The following NLRP2 variants were observed in gnomAD, a reference collection of about 807,000 sequenced individuals.
The protein encoded by NLRP2 is NACHT, LRR and PYD domains-containing protein 2.
NLRP2 carries 107 observed loss-of-function variants against 97.2 expected under a neutral mutation model. That is an observed-to-expected ratio of 1.10 (90% CI 0.94 to 1.29). The LOEUF is 1.29. Ranked by LOEUF, NLRP2 falls within the 50% of genes most tolerant of loss-of-function variation. The probability of loss-of-function intolerance (pLI) is 0.00; values close to 1 mark genes in which losing one functional copy is unlikely to be tolerated. For missense variants in NLRP2, 1,495 were observed against 1,330.3 expected (o/e 1.12, Z -1.93); for synonymous variants, 663 against 551.5 (o/e 1.20, Z -2.83).
intron 11 of NLRP2, among the ~76,000 whole-genome samples, chr19:54,995,187 C>CTTTTTTTTTTT (rs34168825): frequency 1.1e-5 from 1 of 87,226 alleles, no homozygotes; most frequent in African/African-American, 4.5e-5. Context: ...GTGGGTGCCT[C>CTTTTTTTTTTT]TTTTTTTTTT....
chr19:54,995,666 G>A (rs1025834428), intron 11 of NLRP2, among the ~76,000 whole-genome samples: 2 of 152,010 alleles, frequency 1.3e-5, no homozygotes, highest in African/African-American at 4.8e-5. Context: ...GTCTCAACTT[G>A]GCTATCTTAC....
intron 8 of NLRP2, chr19:54,989,638 A>C: frequency 2.9e-6 from 1 of 346,772 alleles, no homozygotes; most frequent in Non-Finnish European, 5.5e-6. Flanking sequence ...TCGGGGTATA[A>C]CACAACCAGT....
In NLRP2 at chr19:54,968,654, A is replaced by T. The variant is rs151127303; in HGVS notation, c.-17-1345A>T. Reference sequence around the variant, plus strand: ...CCAGCTTCAGTAAAGTAAAAGCCACACACCTGTGTCCTGAGACCAGGCTCC... The same window carrying T: ...CCAGCTTCAGTAAAGTAAAAGCCACTCACCTGTGTCCTGAGACCAGGCTCC... On this transcript the variant is annotated intron_variant, in intron 1 of 12. Coordinates refer to ENST00000448584, the MANE Select transcript of NLRP2 (RefSeq NM_017852.5). Among the ~76,000 whole-genome samples, 1,088 of 147,874 alleles carry T rather than the reference A, an allele frequency of 7.4e-3. 14 individuals carry two copies. The highest frequency in any genetic ancestry group is 0.022 in the South Asian group (104 of 4,704).
intron 1 of NLRP2, among the ~76,000 whole-genome samples, chr19:54,968,747 G>C (rs1260698771): frequency 1.5e-5 from 2 of 132,800 alleles, no homozygotes; most frequent in African/African-American, 5.9e-5. Context: ...CCAGGCTGGA[G>C]TGCAGTGGCG....
chr19:54,979,419 C>A (rs1011669021), intron 4 of NLRP2, among the ~76,000 whole-genome samples: 1 of 151,808 alleles, frequency 6.6e-6, no homozygotes, highest in African/African-American at 2.4e-5. Flanking sequence ...CTCGGCTCGC[C>A]ACAACCTCCA....
At chr19:54,993,455 G>A (rs1480120168) in intron 10 of NLRP2, 2 of 152,348 alleles carry the variant, frequency 1.3e-5, no homozygotes, top group Non-Finnish European at 2.9e-5. Context: ...ACAGAGCTAA[G>A]GTGAAATATC....
chr19:54,969,548 G>A (rs703464), intron 1 of NLRP2, among the ~76,000 whole-genome samples: 43,054 of 151,686 alleles, frequency 0.28, 6,278 homozygotes, highest in East Asian at 0.39. Context: ...CCAGCTAGTC[G>A]GGAGGCTGAG....
chr19:54,983,183 C>T lies in NLRP2; in HGVS notation c.1485C>T (p.Ser495=), dbSNP rs780415815. ...ACATCCTCCGCCAGGACAGAGTCTC[C>T]AAAGGCTGCTACTCCTTCATCCACC... ...DGDILRQDRV[S]KGCYSFIHLS... Residue 495 remains serine, a synonymous_variant, in exon 6 of 13, where the codon TCC becomes TCT. Transcript: ENST00000448584. 6.2e-7 allele frequency: 1 copy of T among 1,614,050 alleles called. No individual in the cohort carries two copies. Among genetic ancestry groups the T allele is most frequent in the South Asian group, 1.1e-5 (1 of 91,076 alleles).
intron 1 of NLRP2, among the ~76,000 whole-genome samples, chr19:54,968,404 A>C (rs532779162): frequency 6.6e-6 from 1 of 151,262 alleles, no homozygotes; most frequent in African/African-American, 2.4e-5. Flanking sequence ...AGCTCACTGC[A>C]GCCTTAACTT....
Position 54,977,758 on chromosome 19 carries a change from C to T in NLRP2, c.332C>T (p.Thr111Ile), listed in dbSNP as rs771976849. Residue 111 changes from threonine to isoleucine, a missense_variant, in exon 4 of 13, where the codon ACA becomes ATA. By Grantham distance (89) the Thr-to-Ile change is moderately conservative. Coordinates refer to ENST00000448584, the MANE Select transcript of NLRP2 (RefSeq NM_017852.5). ...NKRKPLSLGI[T>I]RKERPPLDVD... The stretch of plus-strand genomic sequence containing the variant: ...TGCCGCCCTTTTTCTCCAGGGATAA[C>T]ACGGAAAGAACGACCACCTCTAGAC... 6.2e-7 allele frequency: 1 copy of T among 1,613,720 alleles called. No homozygotes were observed. Among genetic ancestry groups the T allele is most frequent in the African/African-American group, 1.3e-5 (1 of 74,896 alleles).
chr19:54,987,292 G>T lies in NLRP2; in HGVS notation c.2366+977G>T, dbSNP rs532586946. Among the ~76,000 whole-genome samples the T allele has an allele frequency of 2.2e-3, 332 of 152,284 alleles. 2 individuals carry two copies. The highest frequency in any genetic ancestry group is 7.9e-3 in the African/African-American group (327 of 41,558). ...CCAGCTATTGACATTTTTCAAGCAA[G>T]AACCCTTCAGGAACATCAAGTTGCC... On this transcript the variant is annotated intron_variant, in intron 8 of 12. Coordinates refer to ENST00000448584, the MANE Select transcript of NLRP2 (RefSeq NM_017852.5).
At chr19:54,970,600 G>T (rs921623416) in intron 2 of NLRP2, among the ~76,000 whole-genome samples, 1 of 151,844 alleles carries the variant, frequency 6.6e-6, no homozygotes, top group African/African-American at 2.4e-5. Context: ...GGGTTGCTAT[G>T]AGCCGAGATC....
intron 2 of NLRP2, chr19:54,974,067 T>TA (rs1399079711): frequency 1.9e-6 from 2 of 1,046,250 alleles, no homozygotes; most frequent in Admixed American, 3.5e-5. Flanking sequence ...TATTAAAAGA[T>TA]ACAAGCAGCC....
chr19:54,988,352 C>G (rs1039131117), intron 8 of NLRP2, among the ~76,000 whole-genome samples: 1 of 151,974 alleles, frequency 6.6e-6, no homozygotes, highest in Non-Finnish European at 1.5e-5. Context: ...GAGTGCAGTG[C>G]CACAATCTTG....
chr19:54,986,900 T>G (rs1484994566), intron 8 of NLRP2, among the ~76,000 whole-genome samples: 1 of 151,958 alleles, frequency 6.6e-6, no homozygotes, highest in Non-Finnish European at 1.5e-5. Context: ...CTTTTTTCTT[T>G]TTGAGATGGA....
intron 8 of NLRP2, among the ~76,000 whole-genome samples, chr19:54,988,150 G>A (rs2146486555): frequency 6.6e-6 from 1 of 152,276 alleles, no homozygotes; most frequent in South Asian, 2.1e-4. Context: ...GTATTGGAAG[G>A]TTGAATGAAA....
Position 54,966,401 on chromosome 19 carries a change from G to C in NLRP2, c.-84G>C, listed in dbSNP as rs1004547909. 6.6e-6 allele frequency: 1 copy of C among 152,040 alleles called. No individual in the cohort carries two copies. The highest frequency in any genetic ancestry group is 1.5e-5 in the Non-Finnish European group (1 of 68,034). 9.4% of individuals were successfully genotyped at this position (152,040 alleles called of 1,614,324 possible). ...TCACAGGGCTGCGGCCGAGAGAGAAGCCTTATTAGAGCTTTCTCAACCTGC... is the reference window on the plus strand; with the variant it reads ...TCACAGGGCTGCGGCCGAGAGAGAACCCTTATTAGAGCTTTCTCAACCTGC... On this transcript the variant is annotated 5_prime_UTR_variant, in exon 1 of 13. Coordinates refer to ENST00000448584, the MANE Select transcript of NLRP2 (RefSeq NM_017852.5).
At chr19:54,985,975 C>CT (rs1227749095) in intron 7 of NLRP2, among the ~76,000 whole-genome samples, 176 bp from the exon 8 acceptor site, 1 of 152,002 alleles carries the variant, frequency 6.6e-6, no homozygotes, top group Admixed American at 6.6e-5. Context: ...GCACTCCAGC[C>CT]TGGGCAACAG....
At chr19:54,985,243 C>G in intron 7 of NLRP2, 26 bp downstream of exon 7, 1 of 1,605,502 alleles carries the variant, frequency 6.2e-7, no homozygotes, top group Non-Finnish European at 8.5e-7. Context: ...TTCATGAACT[C>G]AAATCCTTAG....
Sources: gnomAD v4.1 joint callset for allele counts (sites outside exome capture counted in the v4.1 genomes callset) on GRCh38, gnomAD v4.1.1 for gene constraint, MANE v1.5 for transcripts, NCBI Gene and HGNC (gene_info 2026-07-23, HGNC 2026-07-21) for gene names.